The following PHKB variants were observed in gnomAD, a reference collection of about 807,000 sequenced individuals.
PHKB encodes phosphorylase kinase regulatory subunit beta, also known as phosphorylase b kinase regulatory subunit beta.
In PHKB, 122 loss-of-function variants were observed where a neutral mutation model predicts 152.1. That is an observed-to-expected ratio of 0.80 (90% CI 0.69 to 0.93). The LOEUF (loss-of-function observed/expected upper bound fraction) is 0.93. Among genes scored for constraint, PHKB ranks in the 40% least tolerant of loss-of-function variants. The probability of loss-of-function intolerance (pLI) is 0.00; values close to 1 mark genes in which losing one functional copy is unlikely to be tolerated. For missense variants in PHKB, 1,304 were observed against 1,328.4 expected (o/e 0.98, Z 0.29); for synonymous variants, 436 against 464.9 (o/e 0.94, Z 0.80).
intron 14 of PHKB, among the ~76,000 whole-genome samples, chr16:47,631,114 A>T (rs1972818183): frequency 1.3e-5 from 2 of 152,130 alleles, no homozygotes; most frequent in Admixed American, 6.5e-5. Context: ...GCCAATCCAT[A>T]TGATAAATCT....
chr16:47,508,875 T>C (rs1970463091), intron 4 of PHKB, among the ~76,000 whole-genome samples: 1 of 152,198 alleles, frequency 6.6e-6, no homozygotes, highest in Admixed American at 6.5e-5. Flanking sequence ...CTTATTTTTT[T>C]CTGAAATTTT....
intron 14 of PHKB, among the ~76,000 whole-genome samples, chr16:47,629,882 G>T (rs1210823224): frequency 6.6e-6 from 1 of 152,052 alleles, no homozygotes; most frequent in Non-Finnish European, 1.5e-5. Flanking sequence ...TAGGGACATG[G>T]ATGAAATTGG....
At chr16:47,674,327 G>A (rs77696260) in intron 26 of PHKB, among the ~76,000 whole-genome samples, 32 of 152,204 alleles carry the variant, frequency 2.1e-4, no homozygotes, top group African/African-American at 6.7e-4. Flanking sequence ...TAAGTTGGCC[G>A]CTTGTATACT....
intron 7 of PHKB, among the ~76,000 whole-genome samples, chr16:47,557,858 A>G (rs1186889606): frequency 1.3e-5 from 2 of 152,136 alleles, no homozygotes; most frequent in Admixed American, 1.3e-4. Context: ...TAGAAATACC[A>G]TTTGACCCAG....
At chr16:47,600,389 A>T (rs1972200982) in intron 13 of PHKB, among the ~76,000 whole-genome samples, 1 of 152,218 alleles carries the variant, frequency 6.6e-6, no homozygotes, top group African/African-American at 2.4e-5. Context: ...CGTAAGACGT[A>T]TCTTAAGATA....
intron 1 of PHKB, among the ~76,000 whole-genome samples, chr16:47,478,496 T>C (rs1400372549): frequency 6.8e-6 from 1 of 146,722 alleles, no homozygotes; most frequent in African/African-American, 2.6e-5. Context: ...TTGCTTTACC[T>C]GAAAAAAAGA....
At chr16:47,469,159 G>T (rs1291393756) in intron 1 of PHKB, among the ~76,000 whole-genome samples, 2 of 152,162 alleles carry the variant, frequency 1.3e-5, no homozygotes, top group African/African-American at 4.8e-5. Context: ...AAGTCCAGAA[G>T]AGTGCCTGGA....
chr16:47,590,213 C>T (rs1972004517), intron 10 of PHKB: 1 of 151,766 alleles, frequency 6.6e-6, no homozygotes, highest in Non-Finnish European at 1.5e-5. Flanking sequence ...TGGCAATTAA[C>T]ATACTATTTT....
intron 28 of PHKB, among the ~76,000 whole-genome samples, chr16:47,695,910 T>C (rs1567360817): frequency 6.6e-6 from 1 of 152,230 alleles, no homozygotes; most frequent in Non-Finnish European, 1.5e-5. Context: ...TCCTTCCCAG[T>C]TCTGCACATA....
intron 26 of PHKB, among the ~76,000 whole-genome samples, chr16:47,678,065 C>T (rs1334675721): frequency 1.3e-5 from 2 of 151,906 alleles, no homozygotes; most frequent in Admixed American, 1.3e-4. Context: ...TGATGGTTTC[C>T]AGTTTCATCC....
intron 20 of PHKB, among the ~76,000 whole-genome samples, chr16:47,655,163 A>C (rs1385302410): frequency 1.3e-5 from 2 of 152,154 alleles, no homozygotes; most frequent in Non-Finnish European, 1.5e-5. Context: ...CCCAGTATAC[A>C]CACAGGAACT....
At chr16:47,509,356 C>T (rs1970470687) in intron 4 of PHKB, among the ~76,000 whole-genome samples, 1 of 152,146 alleles carries the variant, frequency 6.6e-6, no homozygotes, top group Admixed American at 6.6e-5. Flanking sequence ...TACCCATTCT[C>T]TAGGTCCTGA....
chr16:47,538,466 T>C (rs978262833), intron 6 of PHKB, among the ~76,000 whole-genome samples: 1 of 152,238 alleles, frequency 6.6e-6, no homozygotes, highest in Non-Finnish European at 1.5e-5. Flanking sequence ...GTGCATGTTT[T>C]GGAGAAATCT....
At chr16:47,598,709 G>T (rs1972166644) in intron 13 of PHKB, 1 of 1,568,842 alleles carries the variant, frequency 6.4e-7, no homozygotes, top group Non-Finnish European at 8.8e-7. Flanking sequence ...GGCGCCCATG[G>T]TTTCCACTCC....
chr16:47,641,910 C>T (rs911475559), intron 16 of PHKB, among the ~76,000 whole-genome samples: 2 of 151,778 alleles, frequency 1.3e-5, no homozygotes, highest in African/African-American at 2.4e-5. Flanking sequence ...TGTGTGTGTA[C>T]GTTATGTTTA....
intron 6 of PHKB, among the ~76,000 whole-genome samples, chr16:47,525,408 A>G (rs1490223385): frequency 1.3e-5 from 2 of 152,242 alleles, no homozygotes; most frequent in African/African-American, 4.8e-5. Context: ...GAAAAAATAT[A>G]TGAAATAAGG....
intron 1 of PHKB, among the ~76,000 whole-genome samples, chr16:47,496,352 T>G (rs1168869025): frequency 1.3e-5 from 2 of 151,836 alleles, no homozygotes; most frequent in Non-Finnish European, 2.9e-5. Context: ...ACTTTCTTCT[T>G]AATGTTACTA....
rs1362039921 is a variant in PHKB, at chr16:47,587,739, G to C, written c.846G>C (p.Leu282=). 3 of 1,612,516 alleles carry C rather than the reference G, an allele frequency of 1.9e-6. No individual in the cohort carries two copies. Among genetic ancestry groups the C allele is most frequent in the Admixed American group, 3.3e-5 (2 of 59,988 alleles). The change falls in exon 9 of 31, where the codon CTG becomes CTC. Residue 282 remains leucine, a synonymous_variant. Transcript: ENST00000323584. ...GCAACAGGCAAACTTTGTGCTCGCT[G>C]TTACCCAGAGAATCAAGATCACATG... ...HNRNRQTLCS[L]LPRESRSHNT...
chr16:47,539,705 CG>C (rs1567297590), intron 6 of PHKB, among the ~76,000 whole-genome samples: 1 of 152,118 alleles, frequency 6.6e-6, no homozygotes, highest in Non-Finnish European at 1.5e-5. Context: ...GCTGGAGCCA[CG>C]GCAGAGGAAC....
Sources: allele counts gnomAD v4.1 joint callset (sites outside exome capture counted in the v4.1 genomes callset), GRCh38; gene constraint gnomAD v4.1.1; transcripts MANE v1.5; gene names NCBI Gene and HGNC (gene_info 2026-07-23, HGNC 2026-07-21).